Variants in POU2F2 observed in about 807,000 individuals in gnomAD.
POU2F2 encodes POU domain, class 2, transcription factor 2.
In POU2F2, 14 loss-of-function variants were observed where a neutral mutation model predicts 63.5. That is an observed-to-expected ratio of 0.22 (90% CI 0.15 to 0.34). The LOEUF (loss-of-function observed/expected upper bound fraction) is 0.34, where lower values mean the gene tolerates loss of function less well. Among genes scored for constraint, POU2F2 ranks in the 10% least tolerant of loss-of-function variants. The pLI, the probability that POU2F2 is intolerant of heterozygous loss-of-function variation, is 1.00. For synonymous variants in POU2F2, 306 were observed against 348.6 expected, an observed-to-expected ratio of 0.88 and a Z score of 1.36; for missense variants, 607 against 815.2, an observed-to-expected ratio of 0.74 and a Z score of 3.11.
At position 42,117,025 on chromosome 19, in the gene POU2F2, G is replaced by A; in HGVS notation, c.369+225C>T. ...CGTGAGCTGCGGGGTGTCGGGGACA[G>A]CAGGAATTGGAGCAAGGGGTTGAAG... On this transcript the variant is annotated intron_variant, in intron 5 of 14. Transcript: ENST00000692977. This position sits in a 1 kb window ranked among gnomAD's most constrained non-coding sequence, Gnocchi z 4.4. 1.6e-6 allele frequency: 1 copy of A among 644,652 alleles called. No individual in the cohort carries two copies. 39.9% of individuals were successfully genotyped at this position (644,652 alleles called of 1,614,324 possible).
In POU2F2 at chr19:42,092,098, G is replaced by A. The variant is rs372097777; in HGVS notation, c.1437C>T (p.Ile479=). The A allele has an allele frequency of 1.0e-4, 159 of 1,595,846 alleles. No homozygotes were observed. Among genetic ancestry groups the A allele is most frequent in the Non-Finnish European group, 1.3e-4 (149 of 1,172,250 alleles). The stretch of plus-strand genomic sequence containing the variant: ...TGCTGGGGTTCAGGCCTGACAAGCC[G>A]ATAGCCGAGTGGCTGCCTTGAGGGC... ...NPSPQGSHSA[I]GLSGLNPSTG... The change falls in exon 13 of 15, where the codon ATC becomes ATT. Residue 479 remains isoleucine, a synonymous_variant. Coordinates refer to ENST00000692977, the MANE Select transcript of POU2F2 (RefSeq NM_001394376.1). This position sits in a 1 kb window ranked among gnomAD's most constrained non-coding sequence, Gnocchi z 5.0.
intron 5 of POU2F2, among the ~76,000 whole-genome samples, chr19:42,105,228 A>G (rs1435162292): frequency 6.6e-6 from 1 of 152,168 alleles, no homozygotes; most frequent in East Asian, 1.9e-4. Flanking sequence ...TTTTGGCCCC[A>G]CAAAACGAGA....
Position 42,152,047 on chromosome 19 carries a change from T to C in POU2F2, c.-9+8285A>G, listed in dbSNP as rs1461078357. 6.6e-6 allele frequency among the ~76,000 whole-genome samples: 1 copy of C among 152,096 alleles called. No homozygotes were observed. The highest frequency in any genetic ancestry group is 2.4e-5 in the African/African-American group (1 of 41,410). Reference sequence around the variant, plus strand: ...ACAGTTTTCCCCTTTTGCCCATGGCTACAGTGAAGGAGGAGGATTCACACT... The same window carrying C: ...ACAGTTTTCCCCTTTTGCCCATGGCCACAGTGAAGGAGGAGGATTCACACT... On this transcript the variant is annotated intron_variant, in intron 2 of 6. Transcript: ENST00000524801. This position sits in a 1 kb window ranked among gnomAD's most constrained non-coding sequence, Gnocchi z 4.1.
rs2034396744 is a variant in POU2F2, at chr19:42,153,564, C to A, written c.-9+6768G>T. On this transcript the variant is annotated intron_variant, in intron 2 of 6. Coordinates refer to the POU2F2 transcript ENST00000524801. This position sits in a 1 kb window ranked among gnomAD's most constrained non-coding sequence, Gnocchi z 5.6. ...GTGGATCTGTGCCTGTGCCTGTGGG[C>A]AGCTGCGTGTGCTTCAGGGATCTGC... Among the ~76,000 whole-genome samples, 1 of 151,550 alleles carries A rather than the reference C, an allele frequency of 6.6e-6. No homozygotes were observed. The highest frequency in any genetic ancestry group is 1.5e-5 in the Non-Finnish European group (1 of 67,816).
chr19:42,183,377 A>G (rs2034982934), intron 1 of POU2F2, among the ~76,000 whole-genome samples: 1 of 152,214 alleles, frequency 6.6e-6, no homozygotes, highest in Non-Finnish European at 1.5e-5. Flanking sequence ...ATGAAATTCT[A>G]GACAGCAAAA....
chr19:42,170,580 T>G (rs1351302011), intron 1 of POU2F2, among the ~76,000 whole-genome samples: 1 of 152,054 alleles, frequency 6.6e-6, no homozygotes, highest in Non-Finnish European at 1.5e-5. Context: ...CATGTACACA[T>G]AGACGCACAA....
At chr19:42,178,549 T>C (rs1022366627), upstream of POU2F2, among the ~76,000 whole-genome samples, 1 of 149,232 alleles carries the variant, frequency 6.7e-6, no homozygotes, top group Non-Finnish European at 1.5e-5. Context: ...GAAAGAGCCG[T>C]TGAAAGAGCC....
intron 1 of POU2F2, among the ~76,000 whole-genome samples, chr19:42,131,957 C>T (rs151130113): frequency 2.6e-4 from 39 of 152,250 alleles, no homozygotes; most frequent in African/African-American, 7.7e-4. Flanking sequence ...CACATGCACA[C>T]GCACACCTGT....
intron 1 of POU2F2, among the ~76,000 whole-genome samples, chr19:42,191,316 CTG>C (rs1349048641): frequency 4.6e-5 from 7 of 152,212 alleles, no homozygotes; most frequent in African/African-American, 1.7e-4. Context: ...ACTCCCAGCT[CTG>C]TGTCAGCACC....
intron 2 of POU2F2, among the ~76,000 whole-genome samples, chr19:42,145,688 A>G (rs188731968): frequency 7.0e-4 from 107 of 152,248 alleles, no homozygotes; most frequent in Non-Finnish European, 1.3e-3. Flanking sequence ...TAATCCCAGC[A>G]CTCTGGGAGG....
At chr19:42,136,728 C>T (rs1301136697), upstream of POU2F2, 1 of 152,302 alleles carries the variant, frequency 6.6e-6, no homozygotes, top group Non-Finnish European at 1.5e-5. Flanking sequence ...AAATGCTCCC[C>T]ATCCTTCAGG....
At chr19:42,179,578 C>A (rs1015623529), upstream of POU2F2, among the ~76,000 whole-genome samples, 1 of 152,034 alleles carries the variant, frequency 6.6e-6, no homozygotes, top group African/African-American at 2.4e-5. Context: ...ACGCGCTGCG[C>A]GGTCTTGGCT....
intron 11 of POU2F2, among the ~76,000 whole-genome samples, chr19:42,094,987 G>A (rs969788767): frequency 2.0e-5 from 3 of 152,318 alleles, no homozygotes; most frequent in East Asian, 3.9e-4. Context: ...GAGCCTGTGT[G>A]TTCTAACCTG....
chr19:42,158,607 G>A (rs900535210), intron 2 of POU2F2, among the ~76,000 whole-genome samples: 3 of 152,182 alleles, frequency 2.0e-5, no homozygotes, highest in Admixed American at 2.0e-4. Flanking sequence ...TTGCACAAAG[G>A]TGGCCCCTAA....
At chr19:42,107,241 G>A (rs1054826272) in intron 5 of POU2F2, among the ~76,000 whole-genome samples, 8 of 152,060 alleles carry the variant, frequency 5.3e-5, no homozygotes, top group African/African-American at 1.9e-4. Flanking sequence ...TGTAGTTGCA[G>A]CTACATGGGA....
intron 11 of POU2F2, among the ~76,000 whole-genome samples, chr19:42,094,211 T>C (rs1385823023): frequency 6.6e-6 from 1 of 152,138 alleles, no homozygotes; most frequent in Non-Finnish European, 1.5e-5. Context: ...GCTCCTGATA[T>C]TGTTGGTTCT....
rs2076942096 is a variant in POU2F2 at position 42,096,895 on chromosome 19, A to ATC, written c.568-653_568-652insGA. On this transcript the variant is annotated intron_variant, in intron 7 of 14. Coordinates refer to ENST00000692977, the MANE Select transcript of POU2F2 (RefSeq NM_001394376.1). This position sits in a 1 kb window ranked among gnomAD's most constrained non-coding sequence, Gnocchi z 4.1. ...AAGCTGTGCATGTGTAGGGGCAGAG[A>ATC]TAGATGGGATATCTCTATATCTTCC... 6.6e-6 allele frequency among the ~76,000 whole-genome samples: 1 copy of ATC among 152,130 alleles called. No homozygotes were observed. Among genetic ancestry groups the ATC allele is most frequent in the Admixed American group, 6.6e-5 (1 of 15,262 alleles).
At chr19:42,114,509 C>A (rs1223345133) in intron 5 of POU2F2, among the ~76,000 whole-genome samples, 1 of 152,116 alleles carries the variant, frequency 6.6e-6, no homozygotes, top group Non-Finnish European at 1.5e-5. Context: ...AGCCCCAAGC[C>A]CTTGGCGTTG....
At chr19:42,122,026 C>G in intron 4 of POU2F2, 100 bp downstream of exon 4, 6 of 1,277,214 alleles carry the variant, frequency 4.7e-6, no homozygotes, top group Non-Finnish European at 6.8e-6. Context: ...ACCAAGGTAC[C>G]AAGGCTCAGT....
Sources: gnomAD v4.1 joint callset for allele counts (sites outside exome capture counted in the v4.1 genomes callset) on GRCh38, gnomAD v4.1.1 for gene constraint, Gnocchi (gnomAD v3.1) non-coding constraint, MANE v1.5 for transcripts, NCBI Gene and HGNC (gene_info 2026-07-23, HGNC 2026-07-21) for gene names.